The following AKAP19 variants were observed in gnomAD, a reference collection of about 807,000 sequenced individuals.
AKAP19 encodes small A-kinase anchoring protein.
the AKAP19 span, among the ~76,000 whole-genome samples, chr2:189,945,614 C>T: frequency 1.3e-5 from 2 of 152,170 alleles, no homozygotes; most frequent in East Asian, 3.8e-4. Context: ...AATTATACCT[C>T]AATAGAATGA....
the AKAP19 span, among the ~76,000 whole-genome samples, chr2:189,891,940 C>CT: frequency 1.3e-5 from 2 of 151,850 alleles, no homozygotes; most frequent in Admixed American, 1.3e-4. Flanking sequence ...CCTTTTCACT[C>CT]TTTTTTCTCT....
chr2:190,145,879 AT>A, the AKAP19 span, among the ~76,000 whole-genome samples: 2 of 149,122 alleles, frequency 1.3e-5, no homozygotes, highest in African/African-American at 4.9e-5. Flanking sequence ...AACTATATAT[AT>A]ATATATAAAG....
the AKAP19 span, among the ~76,000 whole-genome samples, chr2:190,041,966 G>C: frequency 6.6e-6 from 1 of 152,020 alleles, no homozygotes; most frequent in African/African-American, 2.4e-5. Flanking sequence ...AAAGATATTG[G>C]CCTGAAGCTT....
the AKAP19 span, among the ~76,000 whole-genome samples, chr2:189,887,730 G>C: frequency 6.6e-6 from 1 of 152,076 alleles, no homozygotes; most frequent in Non-Finnish European, 1.5e-5. Context: ...GTGATGATGA[G>C]CTTTTTTTCA....
At chr2:190,026,614 T>G in the AKAP19 span, among the ~76,000 whole-genome samples, 2 of 152,216 alleles carry the variant, frequency 1.3e-5, no homozygotes, top group African/African-American at 4.8e-5. Context: ...GGCTCCTATC[T>G]TCTTTCTTCT....
the AKAP19 span, among the ~76,000 whole-genome samples, chr2:190,108,717 G>A: frequency 6.6e-6 from 1 of 150,580 alleles, no homozygotes; most frequent in Non-Finnish European, 1.5e-5. Context: ...GAGAATGGGA[G>A]ATTAAGAAGT....
chr2:189,886,689 C>CT, the AKAP19 span, among the ~76,000 whole-genome samples: 2 of 152,114 alleles, frequency 1.3e-5, no homozygotes, highest in Non-Finnish European at 2.9e-5. Context: ...GCAATGAGGG[C>CT]TGGGAAGGTT....
chr2:190,186,303 C>T, the AKAP19 span, among the ~76,000 whole-genome samples: 1 of 152,194 alleles, frequency 6.6e-6, no homozygotes, highest in African/African-American at 2.4e-5. This position sits in a 1 kb window ranked among gnomAD's most constrained non-coding sequence, Gnocchi z 5.5. Context: ...CAGATAAAAT[C>T]ATACCATACC....
the AKAP19 span, among the ~76,000 whole-genome samples, chr2:189,976,162 G>T: frequency 6.6e-6 from 1 of 152,088 alleles, no homozygotes; most frequent in African/African-American, 2.4e-5. Context: ...TTTTGGTGTG[G>T]ATGTCCTTTC....
At chr2:190,191,475 T>C in the AKAP19 span, among the ~76,000 whole-genome samples, 1 of 152,304 alleles carries the variant, frequency 6.6e-6, no homozygotes, top group South Asian at 2.1e-4. Flanking sequence ...GAACACAAAT[T>C]TTCATGTATC....
the AKAP19 span, chr2:190,057,110 C>T: frequency 6.0e-5 from 45 of 752,476 alleles, no homozygotes; most frequent in East Asian, 1.1e-3. Context: ...CATATATTCC[C>T]CCTTTTAGTT....
At chr2:190,116,392 TTA>T in the AKAP19 span, among the ~76,000 whole-genome samples, 1 of 152,136 alleles carries the variant, frequency 6.6e-6, no homozygotes, top group Non-Finnish European at 1.5e-5. Context: ...TCAATCTCTT[TTA>T]TAGTCATCAT....
At chr2:190,036,552 A>C in the AKAP19 span, among the ~76,000 whole-genome samples, 1 of 152,078 alleles carries the variant, frequency 6.6e-6, no homozygotes, top group Non-Finnish European at 1.5e-5. Context: ...ATTATCCTTT[A>C]CCCTGGTGAA....
the AKAP19 span, among the ~76,000 whole-genome samples, chr2:190,162,331 C>T: frequency 6.6e-5 from 10 of 152,172 alleles, no homozygotes; most frequent in African/African-American, 1.9e-4. Context: ...TCTCCCCAGC[C>T]ACTCTAGGTA....
chr2:189,896,709 T>C, the AKAP19 span, among the ~76,000 whole-genome samples: 2 of 152,040 alleles, frequency 1.3e-5, no homozygotes, highest in African/African-American at 4.8e-5. Context: ...TTAATTGAAT[T>C]TTAGGCAATA....
chr2:189,912,726 G>A, the AKAP19 span, among the ~76,000 whole-genome samples: 1 of 152,124 alleles, frequency 6.6e-6, no homozygotes, highest in Non-Finnish European at 1.5e-5. Context: ...ACATGTCATG[G>A]TTAACATGTC....
At chr2:190,060,193 T>C in the AKAP19 span, 1 of 1,613,114 alleles carries the variant, frequency 6.2e-7, no homozygotes, top group Non-Finnish European at 8.5e-7. Flanking sequence ...TTCACATCAA[T>C]GCTCTGCCAA....
chr2:189,985,102 G>A, the AKAP19 span, among the ~76,000 whole-genome samples: 2 of 152,214 alleles, frequency 1.3e-5, no homozygotes, highest in Non-Finnish European at 2.9e-5. Context: ...AGTAAAAGGA[G>A]CAGAGCAGCA....
At chr2:189,948,160 ATAGCATT>A in the AKAP19 span, among the ~76,000 whole-genome samples, 3 of 152,232 alleles carry the variant, frequency 2.0e-5, no homozygotes, top group Non-Finnish European at 2.9e-5. Flanking sequence ...TTAAAAATGT[ATAGCATT>A]CTTCATGTAC....
Sources: allele counts gnomAD v4.1 joint callset (sites outside exome capture counted in the v4.1 genomes callset), GRCh38; gene constraint gnomAD v4.1.1; non-coding constraint Gnocchi (gnomAD v3.1); transcripts MANE v1.5; gene names NCBI Gene and HGNC (gene_info 2026-07-23, HGNC 2026-07-21).